The following SLC16A3 variants were observed in gnomAD, a reference collection of about 807,000 sequenced individuals.
SLC16A3 encodes the protein solute carrier family 16 member 3, also known as monocarboxylate transporter 4.
In SLC16A3, 22 loss-of-function variants were observed where a neutral mutation model predicts 25.0. The ratio of observed to expected loss-of-function variants is 0.88; its 90% CI spans 0.63 to 1.26. The LOEUF is 1.26. Ranked by LOEUF, SLC16A3 falls within the 50% of genes most tolerant of loss-of-function variation. SLC16A3 has a pLI of 0.00. For missense variants in SLC16A3, 731 were observed against 666.6 expected (o/e 1.10, Z -1.06); for synonymous variants, 390 against 309.2 (o/e 1.26, Z -2.74).
intron 1 of SLC16A3, among the ~76,000 whole-genome samples, chr17:82,219,671 T>C (rs1023405601): frequency 6.6e-6 from 1 of 151,842 alleles, no homozygotes; most frequent in Non-Finnish European, 1.5e-5. Context: ...CGCCTCTCAG[T>C]CTCGGACTTG....
At chr17:82,232,396 C>A (rs1251924182) in intron 1 of SLC16A3, 29 of 152,636 alleles carry the variant, frequency 1.9e-4, no homozygotes, top group Middle Eastern at 3.4e-3. Context: ...TGAGGGGAAG[C>A]ATGCCAGGGT....
rs368504294 is a variant in SLC16A3 at position 82,238,965 on chromosome 17, A to T, written c.1387A>T (p.Thr463Ser). The T allele has an allele frequency of 6.5e-7, 1 of 1,535,798 alleles. No homozygotes were observed. The highest frequency in any genetic ancestry group is 1.3e-5 in the South Asian group (1 of 79,058). The change falls in exon 5 of 5, where the codon ACA (threonine) becomes TCA (serine). Residue 463 changes from threonine to serine, a missense_variant. Transcript: ENST00000582743. ...KNGEVVHTPE[T>S]SV ...CGGGGAGGTGGTTCACACCCCGGAA[A>T]CAAGTGTCTGAGTGGCTGGGCGGGG...
intron 1 of SLC16A3, chr17:82,231,906 C>G (rs1465159682): frequency 6.6e-6 from 1 of 152,360 alleles, no homozygotes; most frequent in East Asian, 1.9e-4. Flanking sequence ...TGGGGCAGCC[C>G]CTTGCGCAGC....
At chr17:82,238,679 G>T in intron 4 of SLC16A3, 23 bp from the exon 5 acceptor site, 2 of 1,597,576 alleles carry the variant, frequency 1.3e-6, no homozygotes, top group East Asian at 4.5e-5. Flanking sequence ...TGAGCGGCTG[G>T]GACTGACGGG....
intron 1 of SLC16A3, among the ~76,000 whole-genome samples, chr17:82,223,192 TATTTC>T (rs2050399956): frequency 6.7e-6 from 1 of 149,880 alleles, no homozygotes; most frequent in Non-Finnish European, 1.5e-5. Flanking sequence ...TTATTATTAT[TATTTC>T]TGAGACGGAG....
At chr17:82,238,564 C>A in intron 4 of SLC16A3, 138 bp from the exon 5 acceptor site, 1 of 803,346 alleles carries the variant, frequency 1.2e-6, no homozygotes, top group South Asian at 2.4e-5. Flanking sequence ...GGGGAGAGAA[C>A]ACCTCCCAGC....
upstream of SLC16A3, among the ~76,000 whole-genome samples, chr17:82,226,704 G>A (rs2050424142): frequency 6.6e-6 from 1 of 152,034 alleles, no homozygotes; most frequent in Admixed American, 6.6e-5. Flanking sequence ...CCAACTGCTG[G>A]GCCTTTCTAA....
chr17:82,222,279 G>A (rs1295247033), intron 1 of SLC16A3, among the ~76,000 whole-genome samples: 7 of 136,104 alleles, frequency 5.1e-5, no homozygotes, highest in African/African-American at 1.7e-4. Flanking sequence ...CCCCAACTCC[G>A]CTCCCACGTT....
rs1005036619 is a variant in SLC16A3, at chr17:82,239,955, G to C, written c.*979G>C. On this transcript the variant is annotated 3_prime_UTR_variant, in exon 5 of 5. Transcript: ENST00000582743. ...CAGTGGCCTGCGTGGCTGGGAGCCC[G>C]GTCAGAGGCCGCCGGGGCCCTCAGT... 8.2e-7 allele frequency: 1 copy of C among 1,226,060 alleles called. No homozygotes were observed. The highest frequency in any genetic ancestry group is 1.0e-6 in the Non-Finnish European group (1 of 980,936). 75.9% of individuals were successfully genotyped at this position (1,226,060 alleles called of 1,614,324 possible).
At chr17:82,236,706 C>G (rs1281048340) in intron 2 of SLC16A3, 23 bp from the exon 3 acceptor site, 1 of 1,597,676 alleles carries the variant, frequency 6.3e-7, no homozygotes, top group Non-Finnish European at 8.5e-7. Context: ...GGCCCGGCCC[C>G]TCTCAGCTGC....
chr17:82,218,823 C>A (rs118126964), intron 1 of SLC16A3, among the ~76,000 whole-genome samples: 2 of 152,148 alleles, frequency 1.3e-5, no homozygotes, highest in African/African-American at 4.8e-5. Context: ...TCCCGAAGCC[C>A]GTCACTCACC....
intron 1 of SLC16A3, chr17:82,235,709 C>G (rs2050585016): frequency 4.0e-6 from 2 of 496,606 alleles, no homozygotes; most frequent in South Asian, 2.3e-5. Context: ...AGGAGGTAAT[C>G]TGAGTCCTGG....
intron 1 of SLC16A3, chr17:82,234,042 GTGT>G (rs2050549945): frequency 6.6e-6 from 1 of 151,240 alleles, no homozygotes; most frequent in Non-Finnish European, 1.5e-5. Flanking sequence ...GGGTTTCACC[GTGT>G]TAGCCAGGAT....
chr17:82,220,894 G>C (rs940795608), intron 1 of SLC16A3, among the ~76,000 whole-genome samples: 10 of 152,136 alleles, frequency 6.6e-5, no homozygotes, highest in African/African-American at 2.4e-4. Flanking sequence ...CGCAATCCCA[G>C]CTCACGGCAC....
At chr17:82,218,706 C>T (rs1244946944) in intron 1 of SLC16A3, among the ~76,000 whole-genome samples, 1 of 152,178 alleles carries the variant, frequency 6.6e-6, no homozygotes, top group Non-Finnish European at 1.5e-5. Context: ...GAGCATAAAC[C>T]AGGCTGGTGC....
chr17:82,236,859 T>C lies in SLC16A3; in HGVS notation c.354T>C (p.Thr118=). The change falls in exon 3 of 5, where the codon ACT becomes ACC. Residue 118 remains threonine (T), a synonymous_variant. Transcript: ENST00000582743. ...GCATCATCCAGGTCTACCTCACCAC[T>C]GGGGTCATCACGGGTGAGTGGGGCC... ...CRSIIQVYLT[T]GVITGLGLAL... 1.2e-6 allele frequency: 2 copies of C among 1,606,180 alleles called. No individual in the cohort carries two copies. Among genetic ancestry groups the C allele is most frequent in the Non-Finnish European group, 1.7e-6 (2 of 1,179,754 alleles).
At position 82,238,790 on chromosome 17, in the gene SLC16A3, G is replaced by T. The variant is rs140682127; in HGVS notation, c.1212G>T (p.Leu404=). 7 of 1,612,720 alleles carry T rather than the reference G, an allele frequency of 4.3e-6. No homozygotes were observed. In the African/African-American group the frequency reaches 8.0e-5, roughly 18 times the overall value. The change falls in exon 5 of 5, where the codon CTG becomes CTT. Residue 404 remains leucine (L), a synonymous_variant. Coordinates refer to ENST00000582743, the MANE Select transcript of SLC16A3 (RefSeq NM_004207.4). ...EVLTSSLILL[L]GNFFCIRKKP... Reference sequence around the variant, plus strand: ...TCACCTCCTCCCTGATTTTGCTGCTGGGCAACTTCTTCTGCATTAGGAAGA... The same window carrying T: ...TCACCTCCTCCCTGATTTTGCTGCTTGGCAACTTCTTCTGCATTAGGAAGA...
intron 1 of SLC16A3, chr17:82,234,746 C>T (rs2050568280): frequency 1.3e-5 from 2 of 152,250 alleles, no homozygotes; most frequent in Non-Finnish European, 2.9e-5. Context: ...CCTTTAGTTA[C>T]ATGTCTGCCT....
intron 1 of SLC16A3, among the ~76,000 whole-genome samples, chr17:82,219,184 G>C (rs1013233200): frequency 1.3e-5 from 2 of 152,146 alleles, no homozygotes; most frequent in Admixed American, 1.3e-4. Flanking sequence ...AGCTGCAGAA[G>C]AGGAGGACAC....
Sources: allele counts gnomAD v4.1 joint callset (sites outside exome capture counted in the v4.1 genomes callset), GRCh38; gene constraint gnomAD v4.1.1; transcripts MANE v1.5; gene names NCBI Gene and HGNC (gene_info 2026-07-23, HGNC 2026-07-21).